Variants in PPARGC1A observed in about 807,000 individuals in gnomAD.
PPARGC1A encodes PPARG coactivator 1 alpha, also known as peroxisome proliferator-activated receptor gamma coactivator 1-alpha.
PPARGC1A carries 25 observed loss-of-function variants against 88.7 expected under a neutral mutation model. The ratio of observed to expected loss-of-function variants is 0.28; its 90% confidence interval spans 0.21 to 0.39. PPARGC1A has a LOEUF of 0.39. Among genes scored for constraint, PPARGC1A ranks in the 10% least tolerant of loss-of-function variants. The pLI is 1.00. For synonymous variants in PPARGC1A, 363 were observed against 355.6 expected, an observed-to-expected ratio of 1.02 and a Z score of -0.24; for missense variants, 880 against 968.7, an observed-to-expected ratio of 0.91 and a Z score of 1.22.
chr4:24,260,253 G>A, the PPARGC1A span, among the ~76,000 whole-genome samples: 5 of 152,278 alleles, frequency 3.3e-5, no homozygotes, highest in East Asian at 1.9e-4. Flanking sequence ...CAAGCACACC[G>A]ATTTTGGACA....
chr4:24,270,331 CTCTG>C, the PPARGC1A span, among the ~76,000 whole-genome samples: 95 of 147,572 alleles, frequency 6.4e-4, no homozygotes, highest in African/African-American at 2.3e-3. Context: ...CTCTCTCTCT[CTCTG>C]TGTGTGTGTG....
chr4:24,025,465 A>G, the PPARGC1A span, among the ~76,000 whole-genome samples: 86 of 152,172 alleles, frequency 5.7e-4, no homozygotes, highest in Non-Finnish European at 8.2e-4. Context: ...TCTTTCTTGA[A>G]AGGGTACTCT....
At chr4:23,862,829 T>C (rs1258707349) in intron 2 of PPARGC1A, among the ~76,000 whole-genome samples, 1 of 152,282 alleles carries the variant, frequency 6.6e-6, no homozygotes, top group East Asian at 1.9e-4. Context: ...TCCTCCAGTT[T>C]ATTTGCCAAA....
At chr4:24,227,107 C>T in the PPARGC1A span, among the ~76,000 whole-genome samples, 52 of 151,232 alleles carry the variant, frequency 3.4e-4, no homozygotes, top group East Asian at 3.1e-3. Context: ...TTTTTGGATA[C>T]GGAGTCTCAC....
chr4:23,838,504 G>A (rs1726451301), intron 2 of PPARGC1A, among the ~76,000 whole-genome samples: 1 of 152,116 alleles, frequency 6.6e-6, no homozygotes, highest in African/African-American at 2.4e-5. Context: ...AAGCATATGT[G>A]TGCAATAAAA....
chr4:23,953,774 C>A, the PPARGC1A span, among the ~76,000 whole-genome samples: 1 of 152,006 alleles, frequency 6.6e-6, no homozygotes, highest in African/African-American at 2.4e-5. Flanking sequence ...AGTCGTCAAA[C>A]AACTTCACCT....
chr4:23,952,950 A>G, the PPARGC1A span, among the ~76,000 whole-genome samples: 5 of 152,104 alleles, frequency 3.3e-5, no homozygotes, highest in African/African-American at 1.2e-4. Context: ...ACCTACTATA[A>G]TGCATTACAT....
chr4:23,995,340 T>G, the PPARGC1A span, among the ~76,000 whole-genome samples: 1 of 152,190 alleles, frequency 6.6e-6, no homozygotes. Context: ...TGCCATGTGC[T>G]TATTCTCCTT....
At chr4:24,396,106 G>A in the PPARGC1A span, among the ~76,000 whole-genome samples, 6 of 151,970 alleles carry the variant, frequency 3.9e-5, no homozygotes, top group Non-Finnish European at 5.9e-5. Context: ...GGGCAGAGCC[G>A]GGCAGACACT....
chr4:23,818,675 T>TAA (rs35441966), intron 7 of PPARGC1A, among the ~76,000 whole-genome samples: 1 of 147,228 alleles, frequency 6.8e-6, no homozygotes, highest in East Asian at 2.0e-4. Flanking sequence ...CCCTTTTATT[T>TAA]AAAAAAAAAA....
chr4:24,075,578 C>G, the PPARGC1A span, among the ~76,000 whole-genome samples: 1 of 152,132 alleles, frequency 6.6e-6, no homozygotes, highest in African/African-American at 2.4e-5. Context: ...TCCCATAATT[C>G]CCACGTGTCA....
At chr4:24,440,102 C>T in the PPARGC1A span, among the ~76,000 whole-genome samples, 1 of 152,180 alleles carries the variant, frequency 6.6e-6, no homozygotes, top group African/African-American at 2.4e-5. Context: ...ATTATGTGTG[C>T]AATTTGTTTC....
At chr4:24,066,684 G>A in the PPARGC1A span, among the ~76,000 whole-genome samples, 1 of 152,118 alleles carries the variant, frequency 6.6e-6, no homozygotes, top group African/African-American at 2.4e-5. Flanking sequence ...CCCATACACT[G>A]TGATAGACAC....
At chr4:24,313,980 AG>A in the PPARGC1A span, among the ~76,000 whole-genome samples, 21 of 152,366 alleles carry the variant, frequency 1.4e-4, no homozygotes, top group Non-Finnish European at 2.8e-4. Context: ...CAACTTGGAT[AG>A]GCTTCAAAAT....
chr4:24,339,749 G>T, the PPARGC1A span, among the ~76,000 whole-genome samples: 41 of 152,186 alleles, frequency 2.7e-4, no homozygotes, highest in African/African-American at 8.4e-4. Flanking sequence ...ATTTTGCTTT[G>T]TTTTTTTCAG....
chr4:24,076,762 T>C, the PPARGC1A span, among the ~76,000 whole-genome samples: 4 of 152,180 alleles, frequency 2.6e-5, no homozygotes, highest in African/African-American at 4.8e-5. Flanking sequence ...CGTTTGAATA[T>C]GGAAAATGAG....
the PPARGC1A span, among the ~76,000 whole-genome samples, chr4:24,000,726 A>G: frequency 6.6e-6 from 1 of 152,196 alleles, no homozygotes; most frequent in African/African-American, 2.4e-5. Context: ...CGATTTGATG[A>G]TAAATCAGAA....
chr4:23,902,124 A>C (rs1412082327), upstream of PPARGC1A, among the ~76,000 whole-genome samples: 1 of 152,184 alleles, frequency 6.6e-6, no homozygotes, highest in Non-Finnish European at 1.5e-5. Context: ...ATATGTTAAT[A>C]TAATATTTTG....
the PPARGC1A span, among the ~76,000 whole-genome samples, chr4:24,008,212 C>T: frequency 3.9e-5 from 6 of 152,148 alleles, no homozygotes; most frequent in Non-Finnish European, 2.9e-5. Context: ...CTGAGTCAAC[C>T]TATTGTACCC....
Sources: allele counts gnomAD v4.1 joint callset (sites outside exome capture counted in the v4.1 genomes callset), GRCh38; gene constraint gnomAD v4.1.1; transcripts MANE v1.5; gene names NCBI Gene and HGNC (gene_info 2026-07-23, HGNC 2026-07-21).